ZNF540: variants seen among roughly 807,000 people sequenced by gnomAD.
The protein encoded by ZNF540 is CTD-3064H18.6.
A neutral mutation model predicts 11.8 loss-of-function variants in ZNF540; 3 were observed. The observed-to-expected ratio is 0.25, with a 90% CI of 0.12 to 0.65. ZNF540 has a LOEUF of 0.65. ZNF540 is among the 30% of genes least tolerant of loss of function. ZNF540 has a pLI of 0.83. For synonymous variants in ZNF540, 247 were observed against 259.0 expected (o/e 0.95, Z 0.45); for missense variants, 709 against 793.1 (o/e 0.89, Z 1.27).
intron 1 of ZNF540, among the ~76,000 whole-genome samples, chr19:37,589,135 G>A (rs2043784967): frequency 6.6e-6 from 1 of 150,780 alleles, no homozygotes; most frequent in South Asian, 2.1e-4. Context: ...AGTAGGCGGA[G>A]GTTGCAGTGA....
rs572579839 is a variant in ZNF540 at position 37,614,110 on chromosome 19, G to A, written c.*847G>A. ...GTTGTTTATAAGCCACTGAGTCTACGATATTTTGTTATGCAGCCCAGATAA... is the reference window on the plus strand; with the variant it reads ...GTTGTTTATAAGCCACTGAGTCTACAATATTTTGTTATGCAGCCCAGATAA... On this transcript the variant is annotated 3_prime_UTR_variant, in exon 5 of 5. Transcript: ENST00000316433. 241 of 368,740 alleles carry A rather than the reference G, an allele frequency of 6.5e-4. No individual in the cohort carries two copies. Among genetic ancestry groups the A allele is most frequent in the Non-Finnish European group, 8.2e-4 (171 of 208,354 alleles). 22.8% of individuals were successfully genotyped at this position (368,740 alleles called of 1,614,324 possible). A position where few individuals can be genotyped will look rare whatever the true frequency, so the allele number is the denominator to read the frequency against.
chr19:37,605,002 T>C (rs2044072394), intron 4 of ZNF540, among the ~76,000 whole-genome samples: 1 of 152,262 alleles, frequency 6.6e-6, no homozygotes, highest in East Asian at 1.9e-4. Context: ...GTATTTCATA[T>C]CTGCTTATTA....
rs566234675 is a variant in ZNF540, at chr19:37,583,758, T to C, written c.-72-14618T>C. The C allele has an allele frequency of 6.5e-6, 3 of 459,152 alleles. No individual in the cohort carries two copies. In the South Asian group the frequency reaches 9.5e-5, roughly 15 times the overall value. The allele number at this position is 459,152 out of a possible 1,614,324, so 28.4% of individuals were successfully genotyped here. On this transcript the variant is annotated intron_variant, in intron 1 of 4. Coordinates refer to the ZNF540 transcript ENST00000592533. Reference sequence around the variant, plus strand: ...GATTCCCAGATTCAAATCTAGTCCATTGGCATCAAAGAAGGGAGACACTGA... The same window carrying C: ...GATTCCCAGATTCAAATCTAGTCCACTGGCATCAAAGAAGGGAGACACTGA...
intron 3 of ZNF540, among the ~76,000 whole-genome samples, chr19:37,600,480 C>T (rs1329905376): frequency 6.6e-6 from 1 of 151,972 alleles, no homozygotes; most frequent in African/African-American, 2.4e-5. Context: ...TTGTTTTGCT[C>T]TAAGTAAATT....
intron 1 of ZNF540, among the ~76,000 whole-genome samples, chr19:37,577,687 G>A (rs1408097037): frequency 3.9e-5 from 6 of 152,014 alleles, no homozygotes; most frequent in Non-Finnish European, 7.4e-5. Flanking sequence ...GGTGATAGCC[G>A]GCTATTCAGA....
chr19:37,557,322 C>T (rs1397008070), intron 1 of ZNF540, among the ~76,000 whole-genome samples: 2 of 152,180 alleles, frequency 1.3e-5, no homozygotes, highest in Non-Finnish European at 2.9e-5. Flanking sequence ...ACGGGGGATT[C>T]TTGTTTTTGA....
chr19:37,574,610 T>C (rs998576417), intron 1 of ZNF540, among the ~76,000 whole-genome samples: 1 of 152,180 alleles, frequency 6.6e-6, no homozygotes, highest in African/African-American at 2.4e-5. Context: ...CCTTCTAGGT[T>C]TCTTCCCAAC....
chr19:37,613,082 A>C lies in ZNF540; in HGVS notation c.1802A>C (p.His601Pro). 6.2e-7 allele frequency: 1 copy of C among 1,614,104 alleles called. No homozygotes were observed. Among genetic ancestry groups the C allele is most frequent in the South Asian group, 1.1e-5 (1 of 91,080 alleles). ...SVDLRIHQRI[H>P]TGEKPYECKQ... ...GACCTTAGAATACATCAAAGAATTC[A>C]TACTGGTGAGAAACCCTATGAGTGT... The change falls in exon 5 of 5, where the codon CAT (histidine) becomes CCT (proline). Residue 601 changes from histidine (H) to proline (P), a missense_variant. By Grantham distance (77) the His-to-Pro change is moderately conservative (BLOSUM62 -2). Coordinates refer to ENST00000316433, the MANE Select transcript of ZNF540 (RefSeq NM_001172225.3).
At chr19:37,593,063 A>C (rs574914643), upstream of ZNF540, among the ~76,000 whole-genome samples, 1 of 152,328 alleles carries the variant, frequency 6.6e-6, no homozygotes, top group East Asian at 1.9e-4. Flanking sequence ...AAGATTATGA[A>C]ATAACCACCA....
chr19:37,594,342 G>GGTGAGCCCACCCCGCGGCCGCAC (rs1165727638), upstream of ZNF540: 11 of 152,538 alleles, frequency 7.2e-5, no homozygotes, highest in African/African-American at 2.4e-4. Context: ...ACAGGCGGCA[G>GGTGAGCCCACCCCGCGGCCGCAC]GTGAGCCCAC....
rs368376371 is a variant in ZNF540, at chr19:37,612,940, A to G, written c.1660A>G (p.Lys554Glu). Reference protein sequence around the residue: ...IHSGLKPYDCKECGKSFSRRG... With the variant: ...IHSGLKPYDCEECGKSFSRRG... ...TTCTGGTTTAAAACCCTATGACTGT[A>G]AAGAATGTGGGAAGTCCTTTAGTCG... is the stretch of plus-strand genomic sequence containing the variant. Residue 554 changes from lysine (K) to glutamate (E), a missense_variant, in exon 5 of 5, where the codon AAA becomes GAA. Lys to Glu is a moderately conservative substitution (Grantham distance 56). Transcript: ENST00000316433. 2.5e-6 allele frequency: 4 copies of G among 1,614,064 alleles called. No individual in the cohort carries two copies. Among genetic ancestry groups the G allele is most frequent in the African/African-American group, 1.3e-5 (1 of 74,922 alleles).
intron 1 of ZNF540, among the ~76,000 whole-genome samples, chr19:37,582,650 A>G (rs911216258): frequency 1.3e-5 from 2 of 152,208 alleles, no homozygotes; most frequent in African/African-American, 4.8e-5. Flanking sequence ...TCTAATGAGC[A>G]TATCAAATAC....
rs556136218 is a variant in ZNF540 at position 37,558,824 on chromosome 19, A to G, written c.-73+7159A>G. ...TATTGCACAACTTCACTATATATAT[A>G]TATATGGAGAGAGAGACAGAGAGAG... On this transcript the variant is annotated intron_variant, in intron 1 of 4. Transcript: ENST00000592533. Among the ~76,000 whole-genome samples the G allele has an allele frequency of 2.9e-4, 44 of 152,044 alleles. 1 individual carries two copies. Among genetic ancestry groups the G allele is most frequent in the African/African-American group, 1.1e-3 (44 of 41,458 alleles).
At chr19:37,586,832 T>A in intron 1 of ZNF540, 1 of 763,576 alleles carries the variant, frequency 1.3e-6, no homozygotes, top group Non-Finnish European at 2.1e-6. Flanking sequence ...TTCTCCTCTT[T>A]TGGGAATTTG....
chr19:37,597,557 A>G (rs2044005901), intron 1 of ZNF540: 1 of 152,208 alleles, frequency 6.6e-6, no homozygotes, highest in African/African-American at 2.4e-5. Flanking sequence ...TCTCCTGAGT[A>G]GCTGGGATTA....
chr19:37,565,125 T>G (rs2042804008), intron 1 of ZNF540: 8 of 1,613,268 alleles, frequency 5.0e-6, no homozygotes, highest in Non-Finnish European at 6.8e-6. Context: ...TGATGTTCAC[T>G]AAGTTGTTTG....
rs768556407 is a variant in ZNF540, at chr19:37,612,715, C to T, written c.1435C>T (p.Arg479Cys). The change falls in exon 5 of 5, where the codon CGT becomes TGT. Residue 479 changes from arginine to cysteine, a missense_variant. Transcript: ENST00000316433. ...GGAATGTGGGAAGACCTTTCGAGTT[C>T]GTTCTCAAATTAGTCTACATAAGAA... ...CKECGKTFRV[R>C]SQISLHKKIH... 4.3e-5 allele frequency: 70 copies of T among 1,613,786 alleles called. No homozygotes were observed. The highest frequency in any genetic ancestry group is 1.6e-4 in the Middle Eastern group (1 of 6,084).
intron 1 of ZNF540, chr19:37,586,852 TCA>T (rs2043691520): frequency 1.4e-6 from 1 of 689,786 alleles, no homozygotes; most frequent in Non-Finnish European, 2.5e-6. Context: ...GGAAAAAATC[TCA>T]GTTCTTCCAC....
intron 4 of ZNF540, among the ~76,000 whole-genome samples, chr19:37,606,412 T>G (rs73033145): frequency 0.17 from 26,135 of 152,228 alleles, 2,512 homozygotes; most frequent in Middle Eastern, 0.3. Context: ...TGTGGACATA[T>G]GTCTTAATTC....
Sources: gnomAD v4.1 joint callset for allele counts (sites outside exome capture counted in the v4.1 genomes callset) on GRCh38, gnomAD v4.1.1 for gene constraint, MANE v1.5 for transcripts, NCBI Gene and HGNC (gene_info 2026-07-23, HGNC 2026-07-21) for gene names.